Variants in ZNF831 observed in about 807,000 individuals in gnomAD.
ZNF831 encodes the protein chromosome 20 open reading frame 174.
ZNF831 carries 59 observed loss-of-function variants against 95.8 expected under a neutral mutation model. The ratio of observed to expected loss-of-function variants is 0.62; its 90% CI spans 0.50 to 0.77. The LOEUF is 0.77. ZNF831 is among the 30% of genes least tolerant of loss of function. The probability of loss-of-function intolerance (pLI) is 0.00; values close to 1 mark genes in which losing one functional copy is unlikely to be tolerated. For synonymous variants in ZNF831, 961 were observed against 925.5 expected, an observed-to-expected ratio of 1.04 and a Z score of -0.70; for missense variants, 2,205 against 2,164.0, an observed-to-expected ratio of 1.02 and a Z score of -0.38.
intron 1 of ZNF831, among the ~76,000 whole-genome samples, chr20:59,139,554 T>A (rs1056019730): frequency 6.6e-6 from 1 of 152,088 alleles, no homozygotes. Context: ...AGTGAACACA[T>A]GTAACTAATA....
chr20:59,236,509 T>C (rs913514268), intron 4 of ZNF831, among the ~76,000 whole-genome samples: 7 of 151,862 alleles, frequency 4.6e-5, no homozygotes, highest in Non-Finnish European at 1.0e-4. Context: ...CACTCTGGAG[T>C]GCAGTGGTGC....
intron 4 of ZNF831, among the ~76,000 whole-genome samples, chr20:59,221,342 A>G (rs2146673634): frequency 6.6e-6 from 1 of 152,262 alleles, no homozygotes; most frequent in Admixed American, 6.5e-5. Context: ...CTTGCCCTCC[A>G]GGTTGAGAAA....
rs1568736290 is a variant in ZNF831 at position 59,169,573 on chromosome 20, C to G, written c.-37+5366C>G. Among the ~76,000 whole-genome samples the G allele has an allele frequency of 6.6e-6, 1 of 152,116 alleles. No homozygotes were observed. Among genetic ancestry groups the G allele is most frequent in the Admixed American group, 6.5e-5 (1 of 15,268 alleles). ...TTGAGGCCAGGAGTTCGAAACCAGC[C>G]TGGCCAACGTGGTGAAATCCTGTCT... On this transcript the variant is annotated intron_variant, in intron 1 of 5. Transcript: ENST00000371030. The surrounding 1 kb of genome is among the most constrained non-coding windows in gnomAD (Gnocchi z 4.1).
Position 59,191,296 on chromosome 20 carries a change from C to G in ZNF831, c.277C>G (p.Pro93Ala), listed in dbSNP as rs1312023990. 2.5e-5 allele frequency: 40 copies of G among 1,588,998 alleles called. No homozygotes were observed. The highest frequency in any genetic ancestry group is 3.3e-5 in the Non-Finnish European group (38 of 1,168,070). The change falls in exon 2 of 6, where the codon CCT (proline) becomes GCT (alanine). Residue 93 changes from proline to alanine, a missense_variant. Pro to Ala is a conservative substitution (Grantham distance 27). Coordinates refer to ENST00000371030, the MANE Select transcript of ZNF831 (RefSeq NM_178457.3). ...GGGCAACGTGCCCTTCATACTCAGCCCTGTGCTGCAGCCTGAAGGGCCTGG... is the reference window on the plus strand; with the variant it reads ...GGGCAACGTGCCCTTCATACTCAGCGCTGTGCTGCAGCCTGAAGGGCCTGG... ...DGGNVPFILS[P>A]VLQPEGPGPT...
intron 4 of ZNF831, among the ~76,000 whole-genome samples, chr20:59,231,099 C>G (rs1352670124): frequency 6.6e-6 from 1 of 152,200 alleles, no homozygotes; most frequent in East Asian, 1.9e-4. Context: ...GGAGAGAGTA[C>G]CTACTTCCCT....
chr20:59,239,648 G>A (rs556660154), intron 4 of ZNF831, among the ~76,000 whole-genome samples: 7 of 150,884 alleles, frequency 4.6e-5, no homozygotes, highest in Non-Finnish European at 4.4e-5. Flanking sequence ...GGGTTCAAGC[G>A]ATTCTCCTGC....
At chr20:59,167,657 G>T (rs1981390240) in intron 1 of ZNF831, among the ~76,000 whole-genome samples, 1 of 149,144 alleles carries the variant, frequency 6.7e-6, no homozygotes, top group Non-Finnish European at 1.5e-5. Flanking sequence ...TTAGGTCAAG[G>T]TTTTTTTTTT....
intron 4 of ZNF831, among the ~76,000 whole-genome samples, chr20:59,246,049 T>C (rs1012482854): frequency 3.9e-5 from 6 of 152,076 alleles, no homozygotes; most frequent in African/African-American, 1.4e-4. Flanking sequence ...CTTCGGTGGT[T>C]TCTTTTGTTT....
chr20:59,237,633 G>A (rs1207849928), intron 4 of ZNF831, among the ~76,000 whole-genome samples: 4 of 152,130 alleles, frequency 2.6e-5, no homozygotes, highest in Non-Finnish European at 5.9e-5. Context: ...TGTGAGCTTT[G>A]TCTGCTGAGT....
chr20:59,133,071 C>T (rs1376925569), intron 1 of ZNF831, among the ~76,000 whole-genome samples: 2 of 74,058 alleles, frequency 2.7e-5, no homozygotes, highest in East Asian at 8.5e-4. Flanking sequence ...TCCTGCATGA[C>T]GTCCGTAGGA....
intron 2 of ZNF831, among the ~76,000 whole-genome samples, chr20:59,147,818 C>T (rs1251903042): frequency 6.6e-6 from 1 of 152,192 alleles, no homozygotes; most frequent in African/African-American, 2.4e-5. Context: ...CTCCAAAAAA[C>T]CTGTTCATAT....
chr20:59,138,707 C>A (rs751214478), intron 1 of ZNF831, among the ~76,000 whole-genome samples: 1 of 152,214 alleles, frequency 6.6e-6, no homozygotes, highest in Non-Finnish European at 1.5e-5. Context: ...TTTTCCTTTG[C>A]CATGGCAACT....
At chr20:59,158,160 T>A (rs1291292859) in intron 2 of ZNF831, among the ~76,000 whole-genome samples, 2 of 152,194 alleles carry the variant, frequency 1.3e-5, no homozygotes, top group African/African-American at 4.8e-5. Flanking sequence ...TCAGGCGCTT[T>A]CATTATCTGT....
At chr20:59,233,671 C>T (rs1321237882) in intron 4 of ZNF831, among the ~76,000 whole-genome samples, 1 of 152,222 alleles carries the variant, frequency 6.6e-6, no homozygotes, top group East Asian at 1.9e-4. Context: ...ATGGAAGTAT[C>T]ATGTCCCCTT....
At chr20:59,174,336 T>C (rs79832454) in intron 1 of ZNF831, among the ~76,000 whole-genome samples, 12,580 of 152,194 alleles carry the variant, frequency 0.083, 711 homozygotes, top group Non-Finnish European at 0.12. Flanking sequence ...GCTGGTTCTC[T>C]CAGATACCAC....
intron 2 of ZNF831, among the ~76,000 whole-genome samples, chr20:59,155,192 C>T (rs1279354973): frequency 6.6e-6 from 1 of 152,090 alleles, no homozygotes; most frequent in African/African-American, 2.4e-5. Flanking sequence ...CATTGTTTCC[C>T]AGTTATCTTG....
At chr20:59,145,078 G>A (rs1011959480) in intron 1 of ZNF831, among the ~76,000 whole-genome samples, 5 of 152,158 alleles carry the variant, frequency 3.3e-5, no homozygotes, top group African/African-American at 1.2e-4. Flanking sequence ...TGGATGGTCC[G>A]GTTCACGCTC....
intron 3 of ZNF831, among the ~76,000 whole-genome samples, chr20:59,196,712 T>C (rs1466096441): frequency 6.6e-6 from 1 of 152,160 alleles, no homozygotes; most frequent in Non-Finnish European, 1.5e-5. Context: ...TAATCCCAGA[T>C]CCCTGAAGCA....
At chr20:59,203,442 G>T (rs1011249145) in intron 3 of ZNF831, among the ~76,000 whole-genome samples, 1 of 152,126 alleles carries the variant, frequency 6.6e-6, no homozygotes, top group Non-Finnish European at 1.5e-5. Flanking sequence ...TCAGCTTCTG[G>T]AGTAGCTGGG....
Sources: allele counts gnomAD v4.1 joint callset (sites outside exome capture counted in the v4.1 genomes callset), GRCh38; gene constraint gnomAD v4.1.1; non-coding constraint Gnocchi (gnomAD v3.1); transcripts MANE v1.5; gene names NCBI Gene and HGNC (gene_info 2026-07-23, HGNC 2026-07-21).